Variants in BRF1 observed in about 807,000 individuals in gnomAD.
BRF1 encodes transcription factor IIIB 90 kDa subunit.
Under a neutral mutation model 81.7 loss-of-function variants are expected in BRF1, and 59 were observed. The observed-to-expected ratio is 0.72, with a 90% CI of 0.59 to 0.90. BRF1 has a LOEUF of 0.90. BRF1 is among the 40% of genes least tolerant of loss of function. The pLI is 0.00. For synonymous variants in BRF1, 491 were observed against 395.6 expected (o/e 1.24, Z -2.86); for missense variants, 1,050 against 936.3 (o/e 1.12, Z -1.58).
chr14:105,219,527 T>G, intron 12 of BRF1: 1 of 552,672 alleles, frequency 1.8e-6, no homozygotes, highest in East Asian at 3.0e-5. Flanking sequence ...AGGCCACAGG[T>G]TCCCACAAAG....
rs113540988 is a variant in BRF1, at chr14:105,314,207, C to A, written c.-162+1115G>T. On this transcript the variant is annotated intron_variant, in intron 1 of 17. Coordinates refer to the BRF1 transcript ENST00000327359. ...GGGGCGCGAGGGAGGGGCTCGGGGA[C>A]GGGCGGGGCCCGCACAGCCGGGCCA... is the stretch of plus-strand genomic sequence containing the variant. Among the ~76,000 whole-genome samples the A allele has an allele frequency of 0.045, 6,809 of 150,072 alleles. 540 individuals are homozygous for A. Among genetic ancestry groups the A allele is most frequent in the African/African-American group, 0.16 (6,527 of 40,882 alleles).
intron 4 of BRF1, 39 bp downstream of exon 4, chr14:105,256,466 CCCCCAGGTCACAA>C (rs750094921): frequency 5.0e-5 from 81 of 1,613,880 alleles, no homozygotes; most frequent in Non-Finnish European, 6.6e-5. Context: ...CTGGTCACAA[CCCCCAGGTCACAA>C]CCCCAGGTGG....
In BRF1 at chr14:105,271,823, C is replaced by T. The variant is rs1177489701; in HGVS notation, c.439+898G>A. 5.9e-5 allele frequency among the ~76,000 whole-genome samples: 9 copies of T among 152,018 alleles called. No individual in the cohort carries two copies. Among genetic ancestry groups the T allele is most frequent in the African/African-American group, 1.9e-4 (8 of 41,406 alleles). ...CTCCACGCAAGGCCAAGCTGCACAC[C>T]GCTGAGGGTCGGCAGCCTCCCCGCC... On this transcript the variant is annotated intron_variant, in intron 3 of 17. Transcript: ENST00000547530. This position sits in a 1 kb window ranked among gnomAD's most constrained non-coding sequence, Gnocchi z 5.5.
chr14:105,268,516 C>T (rs963110167), intron 3 of BRF1, among the ~76,000 whole-genome samples: 5 of 152,246 alleles, frequency 3.3e-5, no homozygotes, highest in Admixed American at 2.0e-4. Context: ...CCGGCACTTT[C>T]GGGGTGATAG....
chr14:105,250,732 C>T, intron 5 of BRF1: 2 of 1,489,956 alleles, frequency 1.3e-6, no homozygotes, highest in Non-Finnish European at 1.8e-6. Context: ...AAGATGCTAA[C>T]TGCTTCTTGA....
chr14:105,295,155 A>G (rs947242663), intron 1 of BRF1, among the ~76,000 whole-genome samples: 3 of 152,082 alleles, frequency 2.0e-5, no homozygotes, highest in African/African-American at 7.2e-5. Flanking sequence ...CCACGCAAGC[A>G]TCAGCAGGAA....
intron 5 of BRF1, chr14:105,248,934 G>C: frequency 1.0e-6 from 1 of 984,820 alleles, no homozygotes. Flanking sequence ...CAGCAACGCC[G>C]GCGCCGCCGT....
chr14:105,211,917 C>G, intron 16 of BRF1, 196 bp downstream of exon 16: 1 of 742,934 alleles, frequency 1.3e-6, no homozygotes, highest in Non-Finnish European at 2.2e-6. Flanking sequence ...ACTTCCTGCC[C>G]GCTCCTGCTC....
upstream of BRF1, among the ~76,000 whole-genome samples, chr14:105,304,858 G>A (rs777547041): frequency 1.1e-4 from 17 of 152,178 alleles, no homozygotes; most frequent in Non-Finnish European, 1.8e-4. Context: ...AGACTTATTC[G>A]CAATCACAAG....
chr14:105,213,427 T>C (rs372136500), intron 15 of BRF1: 1 of 151,178 alleles, frequency 6.6e-6, no homozygotes, highest in East Asian at 1.9e-4. Context: ...TTTTTTTTTT[T>C]CTGAGACGGA....
chr14:105,223,478 G>A (rs1376460319), intron 10 of BRF1, among the ~76,000 whole-genome samples: 1 of 68,908 alleles, frequency 1.5e-5, no homozygotes, highest in East Asian at 2.0e-4. Context: ...CGACTGCCAC[G>A]CCACAACACA....
At chr14:105,305,309 G>A (rs1252899172), upstream of BRF1, among the ~76,000 whole-genome samples, 1 of 152,196 alleles carries the variant, frequency 6.6e-6, no homozygotes, top group African/African-American at 2.4e-5. Context: ...GGCTGAGGTA[G>A]GAGGATTGCT....
intron 5 of BRF1, among the ~76,000 whole-genome samples, chr14:105,243,467 A>T (rs949475865): frequency 5.5e-4 from 49 of 89,652 alleles, no homozygotes; most frequent in African/African-American, 1.7e-3. Flanking sequence ...AAAAAAAAAA[A>T]TAAAAATAAA....
chr14:105,312,711 A>G (rs1448935162), intron 1 of BRF1, among the ~76,000 whole-genome samples: 1 of 152,214 alleles, frequency 6.6e-6, no homozygotes, highest in Non-Finnish European at 1.5e-5. Flanking sequence ...AGTTCTGGCT[A>G]AAAAGTTACT....
Position 105,228,872 on chromosome 14 carries a change from C to A in BRF1, c.736G>T (p.Val246Leu), listed in dbSNP as rs587656581. ...AARMHDFRRT[V>L]KEVISVVKVC... ...TTGACCACACTGATGACCTCCTTCA[C>A]AGTCCTCCTGAAGTCATGCATTCTG... Residue 246 changes from valine to leucine, a missense_variant, in exon 7 of 18, where the codon GTG becomes TTG. Transcript: ENST00000547530. 1 of 1,613,876 alleles carries A rather than the reference C, an allele frequency of 6.2e-7. No individual in the cohort carries two copies. Among genetic ancestry groups the A allele is most frequent in the East Asian group, 2.2e-5 (1 of 44,888 alleles).
intron 12 of BRF1, 36 bp downstream of exon 12, chr14:105,220,033 G>A: frequency 6.2e-7 from 1 of 1,607,734 alleles, no homozygotes; most frequent in Non-Finnish European, 8.5e-7. Flanking sequence ...GCCCTCCCAA[G>A]CCCAGCCCCT....
intron 5 of BRF1, among the ~76,000 whole-genome samples, chr14:105,243,154 T>C (rs1263903860): frequency 6.7e-6 from 1 of 149,384 alleles, no homozygotes; most frequent in Non-Finnish European, 1.5e-5. Flanking sequence ...AATTAGTGGG[T>C]GTGAGGCTGG....
At chr14:105,294,953 T>C (rs587680667) in intron 1 of BRF1, among the ~76,000 whole-genome samples, 26 of 152,288 alleles carry the variant, frequency 1.7e-4, no homozygotes, top group African/African-American at 6.0e-4. Context: ...CAGAATCTTC[T>C]GAGAAAGAAA....
At chr14:105,282,948 A>T (rs1218607285) in intron 2 of BRF1, among the ~76,000 whole-genome samples, 3 of 152,188 alleles carry the variant, frequency 2.0e-5, no homozygotes, top group African/African-American at 7.2e-5. Context: ...ACAAACAAAC[A>T]AACAAAAGGT....
Sources: allele counts gnomAD v4.1 joint callset (sites outside exome capture counted in the v4.1 genomes callset), GRCh38; gene constraint gnomAD v4.1.1; non-coding constraint Gnocchi (gnomAD v3.1); transcripts MANE v1.5; gene names NCBI Gene and HGNC (gene_info 2026-07-23, HGNC 2026-07-21).